The following LZTR1 variants were observed in gnomAD, a reference collection of about 807,000 sequenced individuals.
The protein encoded by LZTR1 is leucine zipper like post translational regulator 1, also known as leucine-zipper-like transcriptional regulator 1.
LZTR1 carries 260 observed loss-of-function variants against 105.7 expected under a neutral mutation model. That is an observed-to-expected ratio of 2.46 (90% CI 2.22 to 2.72). The LOEUF (loss-of-function observed/expected upper bound fraction) is 2.72. Among genes scored for constraint, LZTR1 ranks in the 30% most tolerant of loss-of-function variants. The pLI is 0.00. For synonymous variants in LZTR1, 490 were observed against 476.4 expected (o/e 1.03, Z -0.37); for missense variants, 1,214 against 1,166.9 (o/e 1.04, Z -0.59).
Position 20,992,288 on chromosome 22 carries a change from TGGCTTCAA to T in LZTR1, c.1070_1077del (p.Gly357GlufsTer67). The T allele has an allele frequency of 1.2e-6, 2 of 1,613,968 alleles. No individual in the cohort carries two copies. The highest frequency in any genetic ancestry group is 1.7e-6 in the Non-Finnish European group (2 of 1,179,968). On this transcript the variant is annotated frameshift_variant, in exon 10 of 21. Transcript: ENST00000646124. LOFTEE classifies it high-confidence loss of function. ...CCACCCTGACCTATGAGGAGCGGGT[TGGCTTCAA>T]GAAGTCCCGAGATGTGTTTGGCCTG... is the stretch of plus-strand genomic sequence containing the variant.
intron 7 of LZTR1, 148 bp from the exon 8 acceptor site, chr22:20,990,238 T>C: frequency 1.1e-6 from 1 of 893,052 alleles, no homozygotes; most frequent in Non-Finnish European, 1.8e-6. Flanking sequence ...GAGACAGGGC[T>C]ATGAGCTGTT....
Position 20,992,815 on chromosome 22 carries a change from C to G in LZTR1, c.1171C>G (p.His391Asp). 1 of 1,603,246 alleles carries G rather than the reference C, an allele frequency of 6.2e-7. No individual in the cohort carries two copies. Among genetic ancestry groups the G allele is most frequent in the African/African-American group, 1.3e-5 (1 of 74,870 alleles). Residue 391 changes from histidine (H) to aspartate (D), a missense_variant, in exon 11 of 21, where the codon CAC becomes GAC. Coordinates refer to ENST00000646124, the MANE Select transcript of LZTR1 (RefSeq NM_006767.4). The stretch of plus-strand genomic sequence containing the variant: ...CCAGCTGCCCAGTGGGAGGCTCTTC[C>G]ACGCGGCTGCTGTCATCTCGGACGC... ...ASELPSGRLF[H>D]AAAVISDAMY...
rs368421766 is a variant in LZTR1 at position 20,993,919 on chromosome 22, T to A, written c.1354-5T>A. 6 of 1,611,024 alleles carry A rather than the reference T, an allele frequency of 3.7e-6. No individual in the cohort carries two copies. In the African/African-American group the frequency reaches 4.0e-5, roughly 11 times the overall value. ...CCCTCTGCCAGTGCATCATTCTTTG[T>A]GCAGAAGGAGGAGTGCGTGCAGGGC... On this transcript the variant is annotated splice_polypyrimidine_tract_variant and splice_region_variant and intron_variant, in intron 12 of 20. Coordinates refer to ENST00000646124, the MANE Select transcript of LZTR1 (RefSeq NM_006767.4).
rs2147962633 is a variant in LZTR1 at position 20,988,770 on chromosome 22, C to T, written c.510-19C>T. 6.2e-7 allele frequency: 1 copy of T among 1,605,654 alleles called. No homozygotes were observed. The highest frequency in any genetic ancestry group is 8.5e-7 in the Non-Finnish European group (1 of 1,172,440). ...GTGCTGGGCGGCCTCACTCCCTCCC[C>T]TCTTCCCTCACACTCCAGGTTGCCA... On this transcript the variant is annotated intron_variant, in intron 5 of 20. Transcript: ENST00000646124.
Position 20,985,758 on chromosome 22 carries a change from C to A in LZTR1, c.264-83C>A, listed in dbSNP as rs1924357469. ...AGCCCACAACAGCCCCCTACTCTAC[C>A]CTGGCTACATGCAGTGCCCATCTCT... On this transcript the variant is annotated intron_variant, in intron 2 of 20. Coordinates refer to ENST00000646124, the MANE Select transcript of LZTR1 (RefSeq NM_006767.4). 4 of 1,330,106 alleles carry A rather than the reference C, an allele frequency of 3.0e-6. No homozygotes were observed. In the Admixed American group the frequency reaches 5.1e-5, roughly 17 times the overall value. 82.4% of individuals were successfully genotyped at this position (1,330,106 alleles called of 1,614,324 possible).
intron 11 of LZTR1, 168 bp from the exon 12 acceptor site, chr22:20,993,494 T>C: frequency 3.3e-6 from 2 of 610,360 alleles, no homozygotes; most frequent in African/African-American, 1.8e-5. Context: ...CCAGGCTGTA[T>C]TTTCAGGGTG....
At chr22:20,983,790 C>A (rs1924282775) in intron 2 of LZTR1, among the ~76,000 whole-genome samples, 2 of 152,208 alleles carry the variant, frequency 1.3e-5, no homozygotes, top group South Asian at 4.1e-4. Context: ...GGCAGAAGAG[C>A]CTCCTTGGGC....
chr22:20,994,544 G>T lies in LZTR1; in HGVS notation c.1616-14G>T, dbSNP rs899072517. 11 of 1,605,496 alleles carry T rather than the reference G, an allele frequency of 6.9e-6. No individual in the cohort carries two copies. The Admixed American group carries it at 1.2e-4, about 17-fold the overall frequency. On this transcript the variant is annotated splice_polypyrimidine_tract_variant and intron_variant, in intron 14 of 20. Coordinates refer to ENST00000646124, the MANE Select transcript of LZTR1 (RefSeq NM_006767.4). ...CTCTCCGGCTCCCTGAGATTCGGGG[G>T]CTCTGGGGCGCAGGCCATGTGGAGG...
In LZTR1 at chr22:20,993,978, C is replaced by T. The variant is rs1924706716; in HGVS notation, c.1408C>T (p.Leu470Phe). 1 of 1,612,444 alleles carries T rather than the reference C, an allele frequency of 6.2e-7. No individual in the cohort carries two copies. Among genetic ancestry groups the T allele is most frequent in the Non-Finnish European group, 8.5e-7 (1 of 1,179,814 alleles). ...VAIVTARSRWLRRKITQARER... is the reference protein window; with the variant it reads ...VAIVTARSRWFRRKITQARER... ...CATTGTCACAGCGCGGAGCCGCTGG[C>T]TTCGCAGGAAGATCACGCAGGCGCG... The change falls in exon 13 of 21, where the codon CTT becomes TTT. Residue 470 changes from leucine to phenylalanine, a missense_variant. Transcript: ENST00000646124.
chr22:20,983,057 A>G lies in LZTR1; in HGVS notation c.231A>G (p.Lys77=). ...GCAAGCACACAGTGGTGGCCTATAA[A>G]GATGCCATTTATGTATTTGGTGGAG... ...RRSKHTVVAY[K]DAIYVFGGDN... Residue 77 remains lysine, a synonymous_variant, in exon 2 of 21, where the codon AAA becomes AAG. Transcript: ENST00000646124. 6.2e-7 allele frequency: 1 copy of G among 1,614,154 alleles called. No individual in the cohort carries two copies. The highest frequency in any genetic ancestry group is 8.5e-7 in the Non-Finnish European group (1 of 1,179,994).
At chr22:20,982,621 G>A (rs1387945698) in intron 1 of LZTR1, 50 bp downstream of exon 1, 1 of 1,577,584 alleles carries the variant, frequency 6.3e-7, no homozygotes, top group Middle Eastern at 1.7e-4. Context: ...GATCTGCGAG[G>A]GTCCCAGGGC....
intron 18 of LZTR1, chr22:20,996,361 T>G (rs1601723333): frequency 1.7e-6 from 1 of 597,638 alleles, no homozygotes; most frequent in African/African-American, 1.9e-5. Flanking sequence ...GAGGACGGGG[T>G]GGGTCATTGC....
At chr22:20,988,194 C>A in intron 5 of LZTR1, 76 bp downstream of exon 5, 1 of 931,252 alleles carries the variant, frequency 1.1e-6, no homozygotes, top group Non-Finnish European at 1.7e-6. Context: ...CCCCCTTTTG[C>A]CTCCCAGATG....
chr22:20,989,983 G>A (rs1031674698), intron 7 of LZTR1, among the ~76,000 whole-genome samples: 1 of 152,230 alleles, frequency 6.6e-6, no homozygotes, highest in Non-Finnish European at 1.5e-5. Flanking sequence ...GTGTGAGGAT[G>A]TGGTTTTGCT....
rs545659715 is a variant in LZTR1, at chr22:20,987,829, C to T, written c.401-181C>T. On this transcript the variant is annotated intron_variant, in intron 4 of 20. Transcript: ENST00000646124. ...AGCTGTGGCTGGGAACAGTGTCCTG[C>T]TCATCTCTGTGTCCCCAGAGCCCAG... is the stretch of plus-strand genomic sequence containing the variant. 8.5e-5 allele frequency among the ~76,000 whole-genome samples: 13 copies of T among 152,352 alleles called. No individual in the cohort carries two copies. In the South Asian group the frequency reaches 2.3e-3, roughly 27 times the overall value.
intron 2 of LZTR1, among the ~76,000 whole-genome samples, chr22:20,985,258 C>G (rs953894878): frequency 2.0e-5 from 3 of 152,032 alleles, no homozygotes; most frequent in African/African-American, 4.8e-5. Context: ...TGGGGTTTCA[C>G]CATGTTGGCC....
rs1028369401 is a variant in LZTR1, at chr22:20,992,406, C to G, written c.1149+37C>G. 4 of 1,587,694 alleles carry G rather than the reference C, an allele frequency of 2.5e-6. No homozygotes were observed. The African/African-American group carries it at 4.0e-5, about 16-fold the overall frequency. ...GATCCTCATTAAGACTCCATCACCC[C>G]CTGAAACAGGTCCTGTGATCAACAC... On this transcript the variant is annotated intron_variant, in intron 10 of 20. Coordinates refer to ENST00000646124, the MANE Select transcript of LZTR1 (RefSeq NM_006767.4).
Position 20,995,614 on chromosome 22 carries a change from G to A in LZTR1, c.1943-132G>A, listed in dbSNP as rs996183547. The A allele has an allele frequency of 1.3e-5, 14 of 1,106,040 alleles. No homozygotes were observed. The East Asian group carries it at 1.4e-4, about 11-fold the overall frequency. The allele number at this position is 1,106,040 out of a possible 1,614,324, so 68.5% of individuals were successfully genotyped here. A position where few individuals can be genotyped will look rare whatever the true frequency, so the allele number is the denominator to read the frequency against. Reference sequence around the variant, plus strand: ...AATGTGGCTGATGGTACCTCAGGGCGAGTGAGGCCTTCTGCCTGGGTGAAG... The same window carrying A: ...AATGTGGCTGATGGTACCTCAGGGCAAGTGAGGCCTTCTGCCTGGGTGAAG... On this transcript the variant is annotated intron_variant, in intron 16 of 20. Transcript: ENST00000646124.
intron 12 of LZTR1, 81 bp downstream of exon 12, chr22:20,993,835 G>A: frequency 6.4e-7 from 1 of 1,566,060 alleles, no homozygotes; most frequent in Non-Finnish European, 8.7e-7. Flanking sequence ...ACAGCTGCTG[G>A]CCTGGTGGTG....
Sources: allele counts gnomAD v4.1 joint callset (sites outside exome capture counted in the v4.1 genomes callset), GRCh38; gene constraint gnomAD v4.1.1; transcripts MANE v1.5; gene names NCBI Gene and HGNC (gene_info 2026-07-23, HGNC 2026-07-21).